Variants in THSD7B observed in about 807,000 individuals in gnomAD.
THSD7B encodes thrombospondin type-1 domain-containing protein 7B.
THSD7B carries 138 observed loss-of-function variants against 213.6 expected under a neutral mutation model. That is an observed-to-expected ratio of 0.65 (90% CI 0.56 to 0.74). The LOEUF is 0.74. Ranked by LOEUF, THSD7B falls within the 30% of genes least tolerant of loss-of-function variation. THSD7B has a pLI of 0.00. For synonymous variants in THSD7B, 742 were observed against 687.0 expected (o/e 1.08, Z -1.25); for missense variants, 1,931 against 1,991.5 (o/e 0.97, Z 0.58).
chr2:136,971,905 C>T (rs1685411417), intron 2 of THSD7B, among the ~76,000 whole-genome samples: 1 of 152,108 alleles, frequency 6.6e-6, no homozygotes, highest in African/African-American at 2.4e-5. Context: ...TAATTCTTCT[C>T]TCTGCTCTTT....
chr2:137,048,924 A>G (rs189802359), intron 2 of THSD7B, among the ~76,000 whole-genome samples: 2 of 152,320 alleles, frequency 1.3e-5, no homozygotes. Context: ...AAAGTCCTTC[A>G]GGAGAACGTT....
chr2:137,617,878 G>C (rs975364821), intron 18 of THSD7B, among the ~76,000 whole-genome samples: 2 of 151,946 alleles, frequency 1.3e-5, no homozygotes, highest in Admixed American at 1.3e-4. Context: ...CTTTATAAAG[G>C]TACTAATTTC....
chr2:137,397,647 A>T (rs1329511185), intron 12 of THSD7B, among the ~76,000 whole-genome samples: 3 of 150,516 alleles, frequency 2.0e-5, no homozygotes, highest in African/African-American at 4.9e-5. Context: ...TGTGTCTTGG[A>T]GTTGCTCTTC....
chr2:137,061,916 T>C (rs1053509090), intron 3 of THSD7B, among the ~76,000 whole-genome samples: 4 of 151,836 alleles, frequency 2.6e-5, no homozygotes, highest in African/African-American at 9.7e-5. Context: ...CTGAAAGAAA[T>C]TGTTGAGAAT....
At chr2:137,201,708 G>A (rs1680878560) in intron 7 of THSD7B, among the ~76,000 whole-genome samples, 2 of 152,166 alleles carry the variant, frequency 1.3e-5, no homozygotes, top group Admixed American at 6.5e-5. Context: ...GTTCTCCAAA[G>A]TGGCTGTGCC....
intron 2 of THSD7B, among the ~76,000 whole-genome samples, chr2:136,975,171 T>C (rs1379058333): frequency 1.3e-5 from 2 of 152,124 alleles, no homozygotes; most frequent in African/African-American, 4.8e-5. Flanking sequence ...GATGATAGTT[T>C]CTTTTGCTGT....
chr2:137,501,731 A>G (rs1679710888), intron 15 of THSD7B, among the ~76,000 whole-genome samples: 1 of 152,234 alleles, frequency 6.6e-6, no homozygotes, highest in Non-Finnish European at 1.5e-5. Flanking sequence ...AGATTTCCTC[A>G]AGAAAATTGC....
At chr2:137,432,468 CTT>C (rs1310532703) in intron 14 of THSD7B, among the ~76,000 whole-genome samples, 2 of 152,150 alleles carry the variant, frequency 1.3e-5, no homozygotes, top group Admixed American at 6.5e-5. Context: ...ATATATAATG[CTT>C]CCTCCACTTA....
At chr2:136,997,408 A>C (rs573887084) in intron 2 of THSD7B, among the ~76,000 whole-genome samples, 2 of 152,342 alleles carry the variant, frequency 1.3e-5, no homozygotes, top group East Asian at 3.9e-4. Flanking sequence ...ATTTTAAACA[A>C]GTTTTGTGCT....
chr2:137,661,530 T>C (rs1310068611), intron 25 of THSD7B, among the ~76,000 whole-genome samples: 3 of 151,926 alleles, frequency 2.0e-5, no homozygotes, highest in Non-Finnish European at 4.4e-5. Context: ...AGCGAATCCA[T>C]ACAGGTCTGC....
intron 2 of THSD7B, among the ~76,000 whole-genome samples, chr2:136,960,789 G>A (rs2105084201): frequency 6.6e-6 from 1 of 152,034 alleles, no homozygotes; most frequent in East Asian, 2.0e-4. Flanking sequence ...ACAATGACAT[G>A]TTTGAAAATG....
intron 14 of THSD7B, among the ~76,000 whole-genome samples, chr2:137,432,951 G>C (rs190473181): frequency 6.6e-6 from 1 of 152,142 alleles, no homozygotes; most frequent in Admixed American, 6.5e-5. Context: ...GATTGTTAGC[G>C]TCTAATTCTT....
chr2:137,580,594 C>A (rs1422367289), intron 17 of THSD7B, among the ~76,000 whole-genome samples: 2 of 152,032 alleles, frequency 1.3e-5, no homozygotes, highest in African/African-American at 4.8e-5. Context: ...TGCTAAAAAT[C>A]AAAAATCATT....
rs1558743305 is a variant in THSD7B at position 137,286,575 on chromosome 2, C to CGTAGAGTAGTTTCTT, written c.2500+10549_2500+10550insGTAGAGTAGTTTCTT. ...TTTTATTTTCTGCCGTAGCCATCTA[C>CGTAGAGTAGTTTCTT]CTACATCAGAAGCAAAAAGTCATTT... On this transcript the variant is annotated intron_variant, in intron 12 of 27. Coordinates refer to ENST00000409968, the MANE Select transcript of THSD7B (RefSeq NM_001316349.2). 5.3e-5 allele frequency among the ~76,000 whole-genome samples: 8 copies of CGTAGAGTAGTTTCTT among 152,240 alleles called. No homozygotes were observed. The East Asian group carries it at 1.2e-3, about 22-fold the overall frequency.
intron 2 of THSD7B, among the ~76,000 whole-genome samples, chr2:136,950,888 C>T (rs1475497847): frequency 6.6e-6 from 1 of 152,174 alleles, no homozygotes; most frequent in African/African-American, 2.4e-5. Context: ...ATCAATAACT[C>T]CGTCCTTTAC....
intron 15 of THSD7B, among the ~76,000 whole-genome samples, chr2:137,512,434 C>T (rs1178867552): frequency 7.3e-6 from 1 of 136,628 alleles, no homozygotes. Context: ...CTCTCTTGCC[C>T]AGCCTGGAGA....
At chr2:137,367,013 A>G (rs1448663093) in intron 12 of THSD7B, among the ~76,000 whole-genome samples, 1 of 152,098 alleles carries the variant, frequency 6.6e-6, no homozygotes, top group Non-Finnish European at 1.5e-5. Context: ...TTCAAGGTTA[A>G]TATGTACTCG....
intron 2 of THSD7B, among the ~76,000 whole-genome samples, chr2:137,041,918 T>C (rs1407464995): frequency 6.6e-6 from 1 of 152,186 alleles, no homozygotes; most frequent in Non-Finnish European, 1.5e-5. Flanking sequence ...AAATCTGAAC[T>C]TAGAGAGCAT....
At chr2:137,280,105 A>G (rs942873687) in intron 12 of THSD7B, among the ~76,000 whole-genome samples, 8 of 152,160 alleles carry the variant, frequency 5.3e-5, no homozygotes. Flanking sequence ...ATCCCTAAAC[A>G]CTAAGGGTGA....
Sources: gnomAD v4.1 joint callset for allele counts (sites outside exome capture counted in the v4.1 genomes callset) on GRCh38, gnomAD v4.1.1 for gene constraint, MANE v1.5 for transcripts, NCBI Gene and HGNC (gene_info 2026-07-23, HGNC 2026-07-21) for gene names.